JPH3: variants seen among roughly 807,000 people sequenced by gnomAD.
JPH3 encodes junctophilin-3.
JPH3 carries 11 observed loss-of-function variants against 59.6 expected under a neutral mutation model. The observed-to-expected ratio is 0.18, with a 90% CI of 0.12 to 0.31. The LOEUF (loss-of-function observed/expected upper bound fraction) is 0.31. Ranked by LOEUF, JPH3 falls within the 10% of genes least tolerant of loss-of-function variation. The pLI, the probability that JPH3 is intolerant of heterozygous loss-of-function variation, is 1.00. For missense variants in JPH3, 1,202 were observed against 1,105.7 expected, an observed-to-expected ratio of 1.09 and a Z score of -1.24; for synonymous variants, 673 against 483.6, an observed-to-expected ratio of 1.39 and a Z score of -5.14.
chr16:87,670,556 C>T (rs1339140470), intron 2 of JPH3, among the ~76,000 whole-genome samples: 1 of 152,260 alleles, frequency 6.6e-6, no homozygotes, highest in African/African-American at 2.4e-5. Flanking sequence ...TCCTTCCAAG[C>T]CCATGCCTGG....
At chr16:87,695,650 T>C (rs72810189) in intron 4 of JPH3, 44,030 of 455,918 alleles carry the variant, frequency 0.097, 2,499 homozygotes, top group Non-Finnish European at 0.11. Context: ...CCATTCCCTG[T>C]GCAGCAGGTA....
At chr16:87,629,230 G>A (rs1484013763) in intron 1 of JPH3, among the ~76,000 whole-genome samples, 3 of 152,274 alleles carry the variant, frequency 2.0e-5, no homozygotes, top group Middle Eastern at 3.4e-3. Flanking sequence ...CTTCAGACGC[G>A]GCAGCTGGGG....
chr16:87,663,692 T>C (rs2032774325), intron 2 of JPH3, among the ~76,000 whole-genome samples: 1 of 152,060 alleles, frequency 6.6e-6, no homozygotes, highest in Non-Finnish European at 1.5e-5. Flanking sequence ...AGGGCACAAC[T>C]TCCCCGTCTC....
chr16:87,662,246 G>C (rs2032728507), intron 2 of JPH3, among the ~76,000 whole-genome samples: 1 of 152,166 alleles, frequency 6.6e-6, no homozygotes, highest in East Asian at 1.9e-4. Context: ...TGCCGAGATA[G>C]CAGCCCCTCT....
Position 87,647,726 on chromosome 16 carries a change from C to T in JPH3, c.1160+2691C>T, listed in dbSNP as rs77012768. Among the ~76,000 whole-genome samples, 654 of 152,346 alleles carry T rather than the reference C, an allele frequency of 4.3e-3. 7 individuals carry two copies. The highest frequency in any genetic ancestry group is 0.014 in the Middle Eastern group (4 of 294). ...TGCACACCACTCACGGCCTCCTCAC[C>T]GCTGTGCACAGCCAGCACGTCCATG... On this transcript the variant is annotated intron_variant, in intron 2 of 4. Coordinates refer to ENST00000284262, the MANE Select transcript of JPH3 (RefSeq NM_020655.4).
intron 3 of JPH3, 98 bp from the exon 4 acceptor site, chr16:87,689,548 C>G: frequency 7.6e-7 from 1 of 1,310,266 alleles, no homozygotes; most frequent in South Asian, 1.3e-5. Context: ...GCCTCTGCTG[C>G]CCTGAGGTTC....
At chr16:87,641,268 C>T (rs1206344806) in intron 1 of JPH3, among the ~76,000 whole-genome samples, 2 of 152,158 alleles carry the variant, frequency 1.3e-5, no homozygotes. Flanking sequence ...GGTGCCACAG[C>T]CTAGTGGGTG....
intron 1 of JPH3, among the ~76,000 whole-genome samples, chr16:87,618,962 G>A (rs551346268): frequency 3.3e-5 from 5 of 152,024 alleles, no homozygotes; most frequent in South Asian, 2.1e-4. Context: ...GATGGCAGGC[G>A]CCTGTAATCC....
intron 2 of JPH3, among the ~76,000 whole-genome samples, chr16:87,649,933 C>CCT (rs1204102838): frequency 1.3e-5 from 2 of 152,218 alleles, no homozygotes; most frequent in African/African-American, 4.8e-5. Context: ...GCTGGGACCC[C>CCT]CTCTCTGCTG....
intron 3 of JPH3, 88 bp from the exon 4 acceptor site, chr16:87,689,558 C>T: frequency 1.4e-6 from 2 of 1,405,362 alleles, no homozygotes; most frequent in Non-Finnish European, 2.0e-6. Context: ...CCCTGAGGTT[C>T]CCTCTGGCGC....
intron 1 of JPH3, among the ~76,000 whole-genome samples, chr16:87,619,579 G>A (rs1397516478): frequency 6.6e-6 from 1 of 152,206 alleles, no homozygotes; most frequent in Non-Finnish European, 1.5e-5. Context: ...TCAGTCTGCG[G>A]CTTGGAGGGG....
At chr16:87,681,631 G>A (rs1452600588) in intron 2 of JPH3, among the ~76,000 whole-genome samples, 2 of 149,712 alleles carry the variant, frequency 1.3e-5, no homozygotes, top group South Asian at 2.1e-4. Flanking sequence ...AGGTGCGCGC[G>A]GTCGTGACAG....
At chr16:87,659,155 C>T (rs1046162437) in intron 2 of JPH3, among the ~76,000 whole-genome samples, 1 of 152,076 alleles carries the variant, frequency 6.6e-6, no homozygotes, top group Non-Finnish European at 1.5e-5. Flanking sequence ...AGGCGGATCA[C>T]TTGAGGTCAG....
chr16:87,629,760 G>A (rs1168069219), intron 1 of JPH3, among the ~76,000 whole-genome samples: 1 of 152,144 alleles, frequency 6.6e-6, no homozygotes, highest in Non-Finnish European at 1.5e-5. Flanking sequence ...CTCTAATGGC[G>A]AGTATATGTC....
At chr16:87,613,862 T>TC (rs1460052828) in intron 1 of JPH3, among the ~76,000 whole-genome samples, 1 of 152,226 alleles carries the variant, frequency 6.6e-6, no homozygotes. Flanking sequence ...GATAAGGCAT[T>TC]CCGCTCCCAT....
At chr16:87,623,972 A>G (rs12448308) in intron 1 of JPH3, among the ~76,000 whole-genome samples, 11,527 of 152,310 alleles carry the variant, frequency 0.076, 572 homozygotes, top group Non-Finnish European at 0.11. Flanking sequence ...GGCGTTGCCC[A>G]GAAGTCTAGG....
chr16:87,660,646 C>T (rs12444603), intron 2 of JPH3, among the ~76,000 whole-genome samples: 35,427 of 152,078 alleles, frequency 0.23, 4,657 homozygotes, highest in South Asian at 0.38. Flanking sequence ...GGGGCAAAGC[C>T]GCACCTCGCA....
intron 4 of JPH3, among the ~76,000 whole-genome samples, chr16:87,692,036 G>A (rs61013870): frequency 0.028 from 4,278 of 152,166 alleles, 191 homozygotes; most frequent in African/African-American, 0.095. Context: ...TTAGCGACAC[G>A]CAGGGTGCTA....
At chr16:87,639,315 G>A (rs1293408928) in intron 1 of JPH3, among the ~76,000 whole-genome samples, 1 of 151,660 alleles carries the variant, frequency 6.6e-6, no homozygotes, top group African/African-American at 2.4e-5. Flanking sequence ...ACTCAAGTCT[G>A]TCTGAGGCCT....
Sources: allele counts gnomAD v4.1 joint callset (sites outside exome capture counted in the v4.1 genomes callset), GRCh38; gene constraint gnomAD v4.1.1; transcripts MANE v1.5; gene names NCBI Gene and HGNC (gene_info 2026-07-23, HGNC 2026-07-21).